Variants in SLMAP observed in about 807,000 individuals in gnomAD.
The protein encoded by SLMAP is sarcolemma associated protein.
In SLMAP, 44 loss-of-function variants were observed where a neutral mutation model predicts 128.8. The ratio of observed to expected loss-of-function variants is 0.34; its 90% CI spans 0.27 to 0.44. SLMAP has a LOEUF of 0.44. Ranked by LOEUF, SLMAP falls within the 20% of genes least tolerant of loss-of-function variation. SLMAP has a pLI of 1.00. For missense variants in SLMAP, 787 were observed against 985.3 expected, an observed-to-expected ratio of 0.80 and a Z score of 2.69; for synonymous variants, 327 against 348.8, an observed-to-expected ratio of 0.94 and a Z score of 0.70.
At position 57,874,149 on chromosome 3, in the gene SLMAP, G is replaced by A. The variant is rs575357876; in HGVS notation, c.1300+2451G>A. 6.6e-5 allele frequency among the ~76,000 whole-genome samples: 10 copies of A among 152,062 alleles called. 1 individual carries two copies. The South Asian group carries it at 1.7e-3, about 25-fold the overall frequency. On this transcript the variant is annotated intron_variant, in intron 14 of 24. Transcript: ENST00000671191. ...AACAGCAACAACAAAAAAATTATCC[G>A]GGAGTGATGGCACATGTATGTAGCC...
At chr3:57,882,512 T>C (rs2095772904) in intron 14 of SLMAP, among the ~76,000 whole-genome samples, 2 of 152,346 alleles carry the variant, frequency 1.3e-5, no homozygotes, top group South Asian at 4.1e-4. Flanking sequence ...TTAAACACCT[T>C]TTTAAAATAA....
chr3:57,929,642 A>G lies in SLMAP; in HGVS notation c.*2353A>G, dbSNP rs909004846. Among the ~76,000 whole-genome samples, 9 of 152,250 alleles carry G rather than the reference A, an allele frequency of 5.9e-5. No homozygotes were observed. Among genetic ancestry groups the G allele is most frequent in the Non-Finnish European group, 1.3e-4 (9 of 68,034 alleles). ...GCAGCTAAAAATTGAACAACCCTGT[A>G]ATGATACATTTAAGAATTATTCAAA... On this transcript the variant is annotated 3_prime_UTR_variant, in exon 25 of 25. Transcript: ENST00000671191.
chr3:57,914,075 C>T (rs951692717), intron 21 of SLMAP, among the ~76,000 whole-genome samples: 5 of 152,028 alleles, frequency 3.3e-5, no homozygotes, highest in Admixed American at 3.3e-4. Flanking sequence ...TTCTCTGAAA[C>T]CAGTTAAATC....
intron 3 of SLMAP, among the ~76,000 whole-genome samples, chr3:57,839,039 G>A (rs905352803): frequency 3.3e-5 from 5 of 151,606 alleles, no homozygotes; most frequent in East Asian, 1.9e-4. Flanking sequence ...CTGTAGCCTC[G>A]AACTCCCAGG....
At chr3:57,875,555 C>G (rs181441989) in intron 14 of SLMAP, among the ~76,000 whole-genome samples, 1 of 152,126 alleles carries the variant, frequency 6.6e-6, no homozygotes, top group African/African-American at 2.4e-5. Context: ...AATAAGTATT[C>G]CCAGACATCT....
intron 2 of SLMAP, 151 bp from the exon 3 acceptor site, chr3:57,831,232 G>T: frequency 2.1e-6 from 1 of 468,862 alleles, no homozygotes. Flanking sequence ...ATATATTAAA[G>T]GAGAACCTTA....
chr3:57,895,279 C>T (rs2096209774), intron 15 of SLMAP, among the ~76,000 whole-genome samples: 1 of 152,092 alleles, frequency 6.6e-6, no homozygotes, highest in South Asian at 2.1e-4. Flanking sequence ...CCTAAGATGG[C>T]TTCATTGGAC....
At position 57,862,012 on chromosome 3, in the gene SLMAP, G is replaced by A. The variant is rs375197728; in HGVS notation, c.892G>A (p.Glu298Lys). The change falls in exon 10 of 25, where the codon GAA becomes AAA. Residue 298 changes from glutamate (E) to lysine (K), a missense_variant. Glu to Lys is a moderately conservative substitution (Grantham distance 56). This residue lies in a region of SLMAP where 715 missense variants were observed against 843.6 expected (regional missense o/e 0.85). Transcript: ENST00000671191. ...GAAAGAAATGAATGAAAGGACTCAG[G>A]AAGAATTAAGAGAATTAGCCAACAA... ...HLKEMNERTQ[E>K]ELRELANKYN... The A allele has an allele frequency of 6.2e-7, 1 of 1,605,540 alleles. No individual in the cohort carries two copies. Among genetic ancestry groups the A allele is most frequent in the Non-Finnish European group, 8.5e-7 (1 of 1,172,272 alleles).
intron 8 of SLMAP, among the ~76,000 whole-genome samples, chr3:57,860,368 A>G (rs1277291921): frequency 2.0e-5 from 3 of 152,154 alleles, no homozygotes; most frequent in African/African-American, 7.2e-5. Flanking sequence ...CTTTGAAGGT[A>G]ATTGATTATT....
At chr3:57,896,267 AAC>A in intron 15 of SLMAP, 1 of 1,199,598 alleles carries the variant, frequency 8.3e-7, no homozygotes, top group Non-Finnish European at 1.0e-6. Flanking sequence ...GACAGCCTTG[AAC>A]AAAAGCCCCA....
At chr3:57,770,634 A>G (rs2080658549) in intron 2 of SLMAP, among the ~76,000 whole-genome samples, 1 of 152,156 alleles carries the variant, frequency 6.6e-6, no homozygotes, top group African/African-American at 2.4e-5. Context: ...TGCTTGCCAG[A>G]TATGTGACCT....
intron 2 of SLMAP, among the ~76,000 whole-genome samples, chr3:57,807,213 GT>G (rs909486661): frequency 6.6e-6 from 1 of 152,088 alleles, no homozygotes; most frequent in Non-Finnish European, 1.5e-5. Flanking sequence ...TGATGGGGTT[GT>G]TTTTTTCTTG....
chr3:57,759,782 T>G (rs1396859814), intron 2 of SLMAP, among the ~76,000 whole-genome samples: 1 of 152,206 alleles, frequency 6.6e-6, no homozygotes, highest in Non-Finnish European at 1.5e-5. Context: ...GATGAAACAC[T>G]CGAAGGGGAC....
rs199942083 is a variant in SLMAP at position 57,864,572 on chromosome 3, A to C, written c.991A>C (p.Ile331Leu). Residue 331 changes from isoleucine to leucine, a missense_variant, in exon 11 of 25, where the codon ATC (isoleucine) becomes CTC (leucine). Around this residue, in one of 2 missense-constraint regions of SLMAP, gnomAD observed 715 missense variants for 843.6 expected, o/e 0.85. Transcript: ENST00000671191. The part of the protein sequence containing the change: ...LKVAEGKQEE[I>L]QQKGQAEKKE... ...GGTAGCAGAGGGAAAACAAGAGGAA[A>C]TCCAACAGAAGGGACAGGCTGAGAA... 6.4e-7 allele frequency: 1 copy of C among 1,574,274 alleles called. No individual in the cohort carries two copies. Among genetic ancestry groups the C allele is most frequent in the South Asian group, 1.2e-5 (1 of 82,658 alleles).
chr3:57,927,247 A>C, intron 24 of SLMAP, 49 bp from the exon 25 acceptor site: 1 of 1,271,354 alleles, frequency 7.9e-7, no homozygotes, highest in Non-Finnish European at 1.1e-6. Flanking sequence ...AATAGGTATG[A>C]AAAGAGAGGG....
intron 2 of SLMAP, among the ~76,000 whole-genome samples, chr3:57,785,256 T>C (rs2083852317): frequency 6.6e-6 from 1 of 152,192 alleles, no homozygotes; most frequent in Non-Finnish European, 1.5e-5. Context: ...ATGCCATAGT[T>C]GCCTTACACC....
chr3:57,926,509 T>C (rs930829971), intron 24 of SLMAP, among the ~76,000 whole-genome samples: 3 of 152,220 alleles, frequency 2.0e-5, no homozygotes, highest in African/African-American at 7.2e-5. Context: ...CATTTCTTTC[T>C]GAGCCCTGAC....
intron 4 of SLMAP, among the ~76,000 whole-genome samples, chr3:57,845,773 C>T (rs2153571794): frequency 6.6e-6 from 1 of 152,150 alleles, no homozygotes; most frequent in Non-Finnish European, 1.5e-5. Flanking sequence ...CTGTTTTAAG[C>T]TTTTATTCAT....
chr3:57,890,186 C>A, intron 15 of SLMAP, 86 bp downstream of exon 15: 2 of 1,341,258 alleles, frequency 1.5e-6, no homozygotes, highest in Non-Finnish European at 1.1e-6. Context: ...AGTATTTTAA[C>A]CATCAGTTTA....
Sources: gnomAD v4.1 joint callset for allele counts (sites outside exome capture counted in the v4.1 genomes callset) on GRCh38, gnomAD v4.1.1 for gene constraint, gnomAD v4.1.1 regional missense constraint, MANE v1.5 for transcripts, NCBI Gene and HGNC (gene_info 2026-07-23, HGNC 2026-07-21) for gene names.